PPARG: variants seen among roughly 807,000 people sequenced by gnomAD.
PPARG encodes peroxisome proliferator-activated receptor gamma.
Under a neutral mutation model 39.2 loss-of-function variants are expected in PPARG, and 17 were observed. The ratio of observed to expected loss-of-function variants is 0.43; its 90% confidence interval spans 0.30 to 0.65. PPARG has a LOEUF of 0.65. PPARG is among the 30% of genes least tolerant of loss of function. The pLI is 0.13. For synonymous variants in PPARG, 223 were observed against 215.7 expected (o/e 1.03, Z -0.30); for missense variants, 406 against 585.9 (o/e 0.69, Z 3.17).
chr3:12,367,523 A>G (rs1157999034), intron 2 of PPARG, among the ~76,000 whole-genome samples: 12 of 151,992 alleles, frequency 7.9e-5, no homozygotes, highest in Admixed American at 2.0e-4. Context: ...CCTAGACAAG[A>G]TGTGGCTCAT....
chr3:12,311,307 G>A (rs1002067721), intron 1 of PPARG, among the ~76,000 whole-genome samples: 2 of 151,952 alleles, frequency 1.3e-5, no homozygotes, highest in African/African-American at 4.8e-5. Context: ...TTTCGCTGTG[G>A]TGCTCAGGCT....
chr3:12,372,499 A>C (rs555020283), intron 2 of PPARG, among the ~76,000 whole-genome samples: 4 of 152,324 alleles, frequency 2.6e-5, no homozygotes, highest in African/African-American at 9.6e-5. Flanking sequence ...ATTAAATGAC[A>C]CAATCCGGGC....
At chr3:12,376,522 A>G (rs2049418416) in intron 2 of PPARG, among the ~76,000 whole-genome samples, 1 of 152,176 alleles carries the variant, frequency 6.6e-6, no homozygotes, top group African/African-American at 2.4e-5. Context: ...TCAAGAGAGT[A>G]TGTATATACA....
At chr3:12,399,553 C>T (rs1049914821) in intron 5 of PPARG, 4 of 259,654 alleles carry the variant, frequency 1.5e-5, no homozygotes, top group Non-Finnish European at 3.1e-5. Flanking sequence ...CACTACTGTG[C>T]TCCAGCCCAG....
Position 12,379,831 on chromosome 3 carries a change from C to T in PPARG, c.120C>T (p.Phe40=). The change falls in exon 3 of 8, where the codon TTC becomes TTT. Residue 40 remains phenylalanine, a synonymous_variant. Coordinates refer to ENST00000651735, the MANE Select transcript of PPARG (RefSeq NM_138711.6). ...FDIKPFTTVD[F]SSISTPHYED... is the part of the protein sequence containing the mutation. Reference sequence around the variant, plus strand: ...TCAAGCCCTTCACTACTGTTGACTTCTCCAGCATTTCTACTCCACATTACG... The same window carrying T: ...TCAAGCCCTTCACTACTGTTGACTTTTCCAGCATTTCTACTCCACATTACG... The T allele has an allele frequency of 1.9e-6, 3 of 1,613,960 alleles. No individual in the cohort carries two copies. In the East Asian group the frequency reaches 6.7e-5, roughly 36 times the overall value.
chr3:12,296,684 C>T (rs1469681904), intron 1 of PPARG, among the ~76,000 whole-genome samples: 1 of 152,210 alleles, frequency 6.6e-6, no homozygotes, highest in Non-Finnish European at 1.5e-5. Flanking sequence ...GGCTAGCCGG[C>T]TCACTAATTA....
At chr3:12,417,887 TCTTTTTTTTTTTTC>T (rs761544003) in intron 7 of PPARG, among the ~76,000 whole-genome samples, 3,665 of 129,184 alleles carry the variant, frequency 0.028, 137 homozygotes, top group East Asian at 0.17. Flanking sequence ...CTTTTTTTTT[TCTTTTTTTTTTTTC>T]CTTTTTTTTT....
chr3:12,346,333 G>C (rs1048570682), intron 2 of PPARG, among the ~76,000 whole-genome samples: 1 of 152,176 alleles, frequency 6.6e-6, no homozygotes, highest in African/African-American at 2.4e-5. Flanking sequence ...ACATGAATAA[G>C]TATGCAATAT....
chr3:12,425,093 A>C (rs188038031), intron 7 of PPARG, among the ~76,000 whole-genome samples: 35 of 152,332 alleles, frequency 2.3e-4, no homozygotes, highest in African/African-American at 7.9e-4. Context: ...CGCTTTATCA[A>C]CTATCGCTTT....
At chr3:12,402,614 C>A (rs1206075345) in intron 5 of PPARG, among the ~76,000 whole-genome samples, 1 of 152,148 alleles carries the variant, frequency 6.6e-6, no homozygotes, top group African/African-American at 2.4e-5. Flanking sequence ...AGGAGCCCAG[C>A]ATTTAGGAAG....
chr3:12,386,569 C>G (rs147075578), intron 4 of PPARG, among the ~76,000 whole-genome samples: 1 of 148,626 alleles, frequency 6.7e-6, no homozygotes, highest in South Asian at 2.1e-4. Flanking sequence ...AACCCATTAA[C>G]GAGGGAAAAG....
chr3:12,399,383 T>C (rs1356403557), intron 5 of PPARG: 1 of 456,532 alleles, frequency 2.2e-6, no homozygotes, highest in Non-Finnish European at 4.4e-6. Flanking sequence ...GATTGCCAAA[T>C]CCTGCAGAAC....
intron 2 of PPARG, chr3:12,351,776 C>G: frequency 2.2e-6 from 2 of 891,294 alleles, no homozygotes; most frequent in Non-Finnish European, 3.8e-6. Flanking sequence ...TGTTTTAATA[C>G]TATCATGTGT....
At chr3:12,372,466 A>G (rs930381860) in intron 2 of PPARG, among the ~76,000 whole-genome samples, 4 of 152,172 alleles carry the variant, frequency 2.6e-5, no homozygotes, top group African/African-American at 7.2e-5. Context: ...AAATGCACCT[A>G]CTTCCTCGGG....
intron 2 of PPARG, among the ~76,000 whole-genome samples, chr3:12,356,908 C>T (rs74373981): frequency 0.044 from 6,761 of 152,222 alleles, 480 homozygotes; most frequent in African/African-American, 0.15. Flanking sequence ...CAAATCGTCC[C>T]TGTCCTTCAA....
intron 1 of PPARG, among the ~76,000 whole-genome samples, chr3:12,303,763 T>C (rs561747811): frequency 2.0e-5 from 3 of 152,372 alleles, no homozygotes; most frequent in African/African-American, 7.2e-5. Context: ...ATTGGACATA[T>C]TCATGCAGAG....
chr3:12,426,066 T>C (rs1286214409), intron 7 of PPARG, among the ~76,000 whole-genome samples: 1 of 152,150 alleles, frequency 6.6e-6, no homozygotes, highest in Non-Finnish European at 1.5e-5. Flanking sequence ...GAGTGGAGTG[T>C]TGAGATGAGG....
rs1295753353 is a variant in PPARG at position 12,379,753 on chromosome 3, G to A, written c.42G>A (p.Gly14=). Residue 14 remains glycine (G), a synonymous_variant, in exon 3 of 8, where the codon GGG becomes GGA. Transcript: ENST00000651735. Reference sequence around the variant, plus strand: ...TGCCATTCTGGCCCACCAACTTTGGGATCAGCTCCGTGGATCTCTCCGTAA... The same window carrying A: ...TGCCATTCTGGCCCACCAACTTTGGAATCAGCTCCGTGGATCTCTCCGTAA... ...TEMPFWPTNF[G]ISSVDLSVME... The A allele has an allele frequency of 3.1e-6, 5 of 1,613,864 alleles. No homozygotes were observed. In the African/African-American group the frequency reaches 6.7e-5, roughly 22 times the overall value.
chr3:12,403,946 G>A (rs113604498), intron 5 of PPARG, among the ~76,000 whole-genome samples: 24 of 152,258 alleles, frequency 1.6e-4, no homozygotes, highest in African/African-American at 5.8e-4. Flanking sequence ...ATATGGCAAG[G>A]GAGGAAAGAA....
Sources: gnomAD v4.1 joint callset for allele counts (sites outside exome capture counted in the v4.1 genomes callset) on GRCh38, gnomAD v4.1.1 for gene constraint, MANE v1.5 for transcripts, NCBI Gene and HGNC (gene_info 2026-07-23, HGNC 2026-07-21) for gene names.